Variants in CRPPA observed in about 807,000 individuals in gnomAD.
CRPPA encodes the protein D-ribitol-5-phosphate cytidylyltransferase.
A neutral mutation model predicts 52.0 loss-of-function variants in CRPPA; 43 were observed. The ratio of observed to expected loss-of-function variants is 0.83; its 90% CI spans 0.65 to 1.07. The LOEUF (loss-of-function observed/expected upper bound fraction) is 1.07, where lower values mean the gene tolerates loss of function less well. Among genes scored for constraint, CRPPA ranks in the 50% least tolerant of loss-of-function variants. The pLI is 0.00. For missense variants in CRPPA, 629 were observed against 551.7 expected (o/e 1.14, Z -1.40); for synonymous variants, 250 against 203.5 (o/e 1.23, Z -1.94).
chr7:16,217,737 G>A (rs1287425041), intron 8 of CRPPA, among the ~76,000 whole-genome samples: 23 of 142,964 alleles, frequency 1.6e-4, no homozygotes, highest in Non-Finnish European at 9.2e-5. Flanking sequence ...GGGAAGTTTA[G>A]AGAAAAAAGA....
chr7:16,184,801 G>A (rs941772321), intron 9 of CRPPA, among the ~76,000 whole-genome samples: 2 of 151,962 alleles, frequency 1.3e-5, no homozygotes, highest in African/African-American at 4.8e-5. Context: ...TATAGTTTTG[G>A]TATAATTTTG....
chr7:16,255,607 G>A (rs1383514806), intron 8 of CRPPA, among the ~76,000 whole-genome samples: 1 of 152,082 alleles, frequency 6.6e-6, no homozygotes. Context: ...ATAGACCAAT[G>A]GAACAGAACA....
At chr7:16,183,551 C>T (rs1446284397) in intron 9 of CRPPA, among the ~76,000 whole-genome samples, 2 of 152,142 alleles carry the variant, frequency 1.3e-5, no homozygotes, top group African/African-American at 2.4e-5. Flanking sequence ...TCTAGTATGT[C>T]TGAATCTAGT....
chr7:16,293,357 G>C (rs969351230), intron 5 of CRPPA, among the ~76,000 whole-genome samples: 1 of 151,870 alleles, frequency 6.6e-6, no homozygotes. Flanking sequence ...ACCATTCAAA[G>C]TAAGAGCAGT....
At chr7:16,402,339 G>T (rs1289067949) in intron 2 of CRPPA, among the ~76,000 whole-genome samples, 1 of 152,128 alleles carries the variant, frequency 6.6e-6, no homozygotes, top group South Asian at 2.1e-4. Flanking sequence ...AGTTAGTAAA[G>T]CCCCTGGGAT....
intron 3 of CRPPA, among the ~76,000 whole-genome samples, chr7:16,366,692 A>C (rs959373634): frequency 3.9e-5 from 6 of 152,020 alleles, no homozygotes; most frequent in Non-Finnish European, 1.5e-5. Context: ...ACAGCTCTTC[A>C]TAATTTTTCC....
chr7:16,328,776 A>G (rs1158105272), intron 3 of CRPPA, among the ~76,000 whole-genome samples: 1 of 152,090 alleles, frequency 6.6e-6, no homozygotes, highest in Non-Finnish European at 1.5e-5. Context: ...CAGCCTCCCA[A>G]AGTGCTGGGA....
rs984660012 is a variant in CRPPA at position 16,090,150 on chromosome 7, A to G, written c.*1545T>C. 1 of 152,168 alleles carries G rather than the reference A, an allele frequency of 6.6e-6. No homozygotes were observed. The highest frequency in any genetic ancestry group is 2.4e-5 in the African/African-American group (1 of 41,430). 9.4% of individuals were successfully genotyped at this position (152,168 alleles called of 1,614,324 possible). ...AAATTAATGGATTTTAAATTTCTTA[A>G]TATTCCTAGAGAGAGAAAAAGGGCA... On this transcript the variant is annotated 3_prime_UTR_variant, in exon 10 of 10. Coordinates refer to ENST00000407010, the MANE Select transcript of CRPPA (RefSeq NM_001101426.4).
At chr7:16,390,955 A>T (rs1357223052) in intron 2 of CRPPA, among the ~76,000 whole-genome samples, 1 of 152,140 alleles carries the variant, frequency 6.6e-6, no homozygotes, top group Non-Finnish European at 1.5e-5. Context: ...GGCCTCCTAT[A>T]AATTTTATTT....
chr7:16,275,335 G>A (rs1361646298), intron 6 of CRPPA, among the ~76,000 whole-genome samples: 2 of 152,106 alleles, frequency 1.3e-5, no homozygotes, highest in Non-Finnish European at 1.5e-5. Flanking sequence ...GGATAACTGG[G>A]GGTCTGGGTC....
At chr7:16,397,192 G>A (rs1016552745) in intron 2 of CRPPA, among the ~76,000 whole-genome samples, 1 of 152,264 alleles carries the variant, frequency 6.6e-6, no homozygotes, top group Non-Finnish European at 1.5e-5. Flanking sequence ...ATCAAAACGT[G>A]ATGGACGTGT....
intron 2 of CRPPA, among the ~76,000 whole-genome samples, chr7:16,398,712 G>A (rs569383372): frequency 4.0e-4 from 61 of 152,240 alleles, no homozygotes; most frequent in Non-Finnish European, 7.2e-4. Flanking sequence ...TAATCAACAC[G>A]TGGGTGACAC....
At chr7:16,285,646 T>A (rs62440455) in intron 5 of CRPPA, among the ~76,000 whole-genome samples, 33,414 of 151,780 alleles carry the variant, frequency 0.22, 4,588 homozygotes, top group Admixed American at 0.31. Flanking sequence ...AAGCACTAGT[T>A]AAGAAGCCCA....
At chr7:16,283,368 A>G (rs887058620) in intron 5 of CRPPA, among the ~76,000 whole-genome samples, 3 of 150,666 alleles carry the variant, frequency 2.0e-5, no homozygotes, top group African/African-American at 2.4e-5. Context: ...AACTTAAAAG[A>G]TACAAGAACA....
intron 9 of CRPPA, among the ~76,000 whole-genome samples, chr7:16,109,834 T>G (rs1234832771): frequency 6.6e-6 from 1 of 152,028 alleles, no homozygotes; most frequent in Non-Finnish European, 1.5e-5. Context: ...ATGGGAAACA[T>G]TATGCCACAG....
intron 5 of CRPPA, among the ~76,000 whole-genome samples, chr7:16,284,046 G>A (rs1028973674): frequency 5.9e-5 from 9 of 151,998 alleles, no homozygotes; most frequent in Non-Finnish European, 1.0e-4. Context: ...ACCAAAGAAC[G>A]ATTTCTATGC....
At position 16,203,923 on chromosome 7, in the gene CRPPA, C is replaced by A. The variant is rs1015002568; in HGVS notation, c.1251+12143G>T. 7.9e-5 allele frequency among the ~76,000 whole-genome samples: 12 copies of A among 152,230 alleles called. No individual in the cohort carries two copies. The East Asian group carries it at 2.3e-3, about 29-fold the overall frequency. On this transcript the variant is annotated intron_variant, in intron 9 of 9. Coordinates refer to ENST00000407010, the MANE Select transcript of CRPPA (RefSeq NM_001101426.4). Reference sequence around the variant, plus strand: ...CAAAATACTGGAATCCATATAGCAACAAATCTACATAAAGATTTGACACAC... The same window carrying A: ...CAAAATACTGGAATCCATATAGCAAAAAATCTACATAAAGATTTGACACAC...
chr7:16,138,727 A>G (rs1782808181), intron 9 of CRPPA, among the ~76,000 whole-genome samples: 1 of 152,156 alleles, frequency 6.6e-6, no homozygotes, highest in Non-Finnish European at 1.5e-5. Context: ...AATGGTAGAG[A>G]GTAAGAATGA....
chr7:16,258,919 C>T lies in CRPPA; in HGVS notation c.1026+1G>A. On this transcript the variant is annotated splice_donor_variant, in intron 7 of 9. Transcript: ENST00000407010. LOFTEE classifies it high-confidence loss of function. The stretch of plus-strand genomic sequence containing the variant: ...GCCTTCAATCATTTGAATTGACTTA[C>T]ATTCACACAAACAAAATTGTAGCAT... The T allele has an allele frequency of 1.2e-6, 2 of 1,600,956 alleles. No individual in the cohort carries two copies. Among genetic ancestry groups the T allele is most frequent in the South Asian group, 1.1e-5 (1 of 89,644 alleles).
Sources: gnomAD v4.1 joint callset for allele counts (sites outside exome capture counted in the v4.1 genomes callset) on GRCh38, gnomAD v4.1.1 for gene constraint, MANE v1.5 for transcripts, NCBI Gene and HGNC (gene_info 2026-07-23, HGNC 2026-07-21) for gene names.